MAD1L1: variants seen among roughly 807,000 people sequenced by gnomAD.
MAD1L1 encodes mitotic arrest deficient 1 like 1, also known as mitotic spindle assembly checkpoint protein MAD1.
MAD1L1 carries 95 observed loss-of-function variants against 96.9 expected under a neutral mutation model. The ratio of observed to expected loss-of-function variants is 0.98; its 90% CI spans 0.83 to 1.16. The LOEUF (loss-of-function observed/expected upper bound fraction) is 1.16, where lower values mean the gene tolerates loss of function less well. Ranked by LOEUF, MAD1L1 falls within the 50% of genes most tolerant of loss-of-function variation. MAD1L1 has a pLI of 0.00. For missense variants in MAD1L1, 1,007 were observed against 954.4 expected, an observed-to-expected ratio of 1.06 and a Z score of -0.73; for synonymous variants, 473 against 396.6, an observed-to-expected ratio of 1.19 and a Z score of -2.29.
chr7:1,938,752 A>ACGGGC (rs1778752975), intron 16 of MAD1L1, among the ~76,000 whole-genome samples: 1 of 149,668 alleles, frequency 6.7e-6, no homozygotes, highest in Non-Finnish European at 1.5e-5. Flanking sequence ...GCACGCACAC[A>ACGGGC]CACACACACA....
rs556490346 is a variant in MAD1L1 at position 2,209,342 on chromosome 7, C to A, written c.986+3870G>T. Among the ~76,000 whole-genome samples, 10 of 152,302 alleles carry A rather than the reference C, an allele frequency of 6.6e-5. 1 individual carries two copies. In the South Asian group the frequency reaches 2.1e-3, roughly 32 times the overall value. ...GCGAGGCCGAAGAGCCCTCTGAGGA[C>A]TGCAGGACGTCAGCACCCTGTCCTT... On this transcript the variant is annotated intron_variant, in intron 10 of 18. Transcript: ENST00000265854.
Position 2,126,196 on chromosome 7 carries a change from C to T in MAD1L1, c.1073+22956G>A, listed in dbSNP as rs138953999. 1.6e-4 allele frequency among the ~76,000 whole-genome samples: 24 copies of T among 152,338 alleles called. No individual in the cohort carries two copies. In the South Asian group the frequency reaches 3.1e-3, roughly 20 times the overall value. ...AAAGACCGGGCAGGATGAAGGAGAG[C>T]GTCTCGGGAGCCGAGAGCAGACACA... On this transcript the variant is annotated intron_variant, in intron 11 of 18. Transcript: ENST00000265854.
intron 11 of MAD1L1, among the ~76,000 whole-genome samples, chr7:2,127,250 A>G (rs1788275843): frequency 6.6e-6 from 1 of 152,108 alleles, no homozygotes; most frequent in African/African-American, 2.4e-5. Flanking sequence ...CCTACTTATG[A>G]CAAGGGGGAG....
At position 2,061,681 on chromosome 7, in the gene MAD1L1, G is replaced by A. The variant is rs115073288; in HGVS notation, c.1218+7513C>T. ...GGCATGCCCAGCGCAAGGGCACCCA[G>A]GGGATCACCAAACGTCATACACGTG... On this transcript the variant is annotated intron_variant, in intron 12 of 18. Transcript: ENST00000265854. Among the ~76,000 whole-genome samples, 1,468 of 152,354 alleles carry A rather than the reference G, an allele frequency of 9.6e-3. 23 individuals are homozygous for A. The highest frequency in any genetic ancestry group is 0.033 in the African/African-American group (1,378 of 41,578).
At chr7:1,887,955 G>A (rs1204115832) in intron 18 of MAD1L1, among the ~76,000 whole-genome samples, 5 of 151,788 alleles carry the variant, frequency 3.3e-5, no homozygotes, top group African/African-American at 9.7e-5. Flanking sequence ...ATGCACATGT[G>A]TATGTGGCTG....
intron 10 of MAD1L1, chr7:2,175,255 G>A: frequency 6.6e-6 from 1 of 152,322 alleles, no homozygotes; most frequent in Non-Finnish European, 1.5e-5. Context: ...TGAGCAGCCG[G>A]CTCACAACAC....
intron 11 of MAD1L1, among the ~76,000 whole-genome samples, chr7:2,121,903 G>A (rs1788000141): frequency 6.6e-6 from 1 of 152,200 alleles, no homozygotes; most frequent in Non-Finnish European, 1.5e-5. Context: ...AGCCAGATGT[G>A]GGGACACGTG....
rs187200101 is a variant in MAD1L1 at position 1,902,098 on chromosome 7, G to T, written c.1808-3708C>A. ...GCTGCCCAGGGCCCGGCCCAGTGGG[G>T]TGTACCAGGGGGCTGAAGGCATCCA... On this transcript the variant is annotated intron_variant, in intron 17 of 18. Transcript: ENST00000265854. 3.5e-3 allele frequency among the ~76,000 whole-genome samples: 530 copies of T among 152,326 alleles called. 2 individuals are homozygous for T. Among genetic ancestry groups the T allele is most frequent in the Non-Finnish European group, 5.2e-3 (355 of 68,018 alleles).
At chr7:2,064,587 G>T (rs1332769606) in intron 12 of MAD1L1, among the ~76,000 whole-genome samples, 2 of 151,922 alleles carry the variant, frequency 1.3e-5, no homozygotes, top group East Asian at 3.9e-4. Context: ...GAGGACAGTG[G>T]CTTCTCCCGG....
intron 12 of MAD1L1, among the ~76,000 whole-genome samples, chr7:2,067,337 C>T (rs994518388): frequency 6.6e-6 from 1 of 152,126 alleles, no homozygotes; most frequent in African/African-American, 2.4e-5. Flanking sequence ...GAAAGGAGAA[C>T]TGAGACCCAG....
intron 11 of MAD1L1, among the ~76,000 whole-genome samples, chr7:2,095,748 C>G (rs1475844549): frequency 6.6e-6 from 1 of 152,170 alleles, no homozygotes; most frequent in Non-Finnish European, 1.5e-5. Context: ...GGGGCCAACG[C>G]AGGGAAGCCG....
chr7:2,202,365 C>T (rs756973598), intron 10 of MAD1L1, among the ~76,000 whole-genome samples: 29 of 152,222 alleles, frequency 1.9e-4, no homozygotes, highest in Non-Finnish European at 3.2e-4. Context: ...GCTCACGCCC[C>T]ACCCTGGCCT....
At chr7:1,985,843 A>C (rs4721285) in intron 14 of MAD1L1, among the ~76,000 whole-genome samples, 149,597 of 152,086 alleles carry the variant, frequency 0.98, 73,617 homozygotes, top group Non-Finnish European at 1. Flanking sequence ...GTCTCATGCA[A>C]CCCCCGGCCT....
intron 17 of MAD1L1, among the ~76,000 whole-genome samples, chr7:1,912,608 G>A (rs534814836): frequency 6.6e-6 from 1 of 152,076 alleles, no homozygotes; most frequent in East Asian, 1.9e-4. Context: ...GCACCAGTGG[G>A]GGAACGGTCC....
intron 15 of MAD1L1, among the ~76,000 whole-genome samples, chr7:1,965,371 C>A (rs1780120347): frequency 1.3e-5 from 2 of 152,240 alleles, no homozygotes; most frequent in African/African-American, 4.8e-5. Context: ...CCTTCCTCTC[C>A]CACAGACAGG....
intron 17 of MAD1L1, among the ~76,000 whole-genome samples, chr7:1,916,462 C>T (rs1016125349): frequency 6.6e-6 from 1 of 152,058 alleles, no homozygotes; most frequent in Admixed American, 6.5e-5. Context: ...CGTCATGGCA[C>T]GAGGCGGGGA....
At chr7:1,919,316 C>G (rs976477936) in intron 17 of MAD1L1, among the ~76,000 whole-genome samples, 4 of 152,372 alleles carry the variant, frequency 2.6e-5, no homozygotes, top group Non-Finnish European at 4.4e-5. Context: ...GCTGCCCCGG[C>G]CTCAGATGGA....
chr7:1,884,714 G>A (rs1259848434), intron 18 of MAD1L1, among the ~76,000 whole-genome samples: 1 of 152,222 alleles, frequency 6.6e-6, no homozygotes, highest in Non-Finnish European at 1.5e-5. Context: ...TCCCACATGG[G>A]AAGACTGTGT....
chr7:1,988,273 C>T (rs553294425), intron 14 of MAD1L1, among the ~76,000 whole-genome samples: 1 of 152,304 alleles, frequency 6.6e-6, no homozygotes, highest in Non-Finnish European at 1.5e-5. Flanking sequence ...CCTCCCACAC[C>T]TCCCAGGGGC....
Sources: gnomAD v4.1 joint callset for allele counts (sites outside exome capture counted in the v4.1 genomes callset) on GRCh38, gnomAD v4.1.1 for gene constraint, MANE v1.5 for transcripts, NCBI Gene and HGNC (gene_info 2026-07-23, HGNC 2026-07-21) for gene names.